SEMA6D: variants seen among roughly 807,000 people sequenced by gnomAD.
The protein encoded by SEMA6D is semaphorin 6D, also known as semaphorin-6D.
A neutral mutation model predicts 106.6 loss-of-function variants in SEMA6D; 35 were observed. The ratio of observed to expected loss-of-function variants is 0.33; its 90% CI spans 0.25 to 0.44. SEMA6D has a LOEUF of 0.44. SEMA6D is among the 20% of genes least tolerant of loss of function. The pLI, the probability that SEMA6D is intolerant of heterozygous loss-of-function variation, is 1.00. For synonymous variants in SEMA6D, 499 were observed against 487.7 expected (o/e 1.02, Z -0.31); for missense variants, 1,185 against 1,345.9 (o/e 0.88, Z 1.87).
intron 3 of SEMA6D, among the ~76,000 whole-genome samples, chr15:47,556,693 C>G (rs757232099): frequency 6.6e-6 from 1 of 152,076 alleles, no homozygotes; most frequent in African/African-American, 2.4e-5. Flanking sequence ...TCCCTTTTCC[C>G]TCACTGCTTT....
chr15:47,529,218 G>A (rs745660422), intron 3 of SEMA6D, among the ~76,000 whole-genome samples: 5 of 152,146 alleles, frequency 3.3e-5, no homozygotes, highest in African/African-American at 7.2e-5. Context: ...CATCTTCCTC[G>A]TCTTCATGTT....
intron 1 of SEMA6D, among the ~76,000 whole-genome samples, chr15:47,339,741 C>A (rs912201300): frequency 1.3e-5 from 2 of 151,986 alleles, no homozygotes; most frequent in Non-Finnish European, 2.9e-5. Flanking sequence ...TGCCTGTAGT[C>A]CCAGCTGCTG....
At chr15:47,647,574 AG>A (rs2077603829) in intron 4 of SEMA6D, among the ~76,000 whole-genome samples, 1 of 152,206 alleles carries the variant, frequency 6.6e-6, no homozygotes. Context: ...TAAAAAGAGG[AG>A]AAAATAGAAA....
intron 1 of SEMA6D, among the ~76,000 whole-genome samples, chr15:47,223,461 A>G (rs1379501047): frequency 1.3e-5 from 2 of 151,494 alleles, no homozygotes; most frequent in Admixed American, 6.6e-5. Context: ...TCTCCCTTTG[A>G]TTTTTATTTT....
At chr15:47,750,455 TCTC>T (rs1220021526) in intron 1 of SEMA6D, among the ~76,000 whole-genome samples, 5 of 152,178 alleles carry the variant, frequency 3.3e-5, no homozygotes, top group African/African-American at 1.2e-4. Flanking sequence ...TGACCCCAGA[TCTC>T]CTGGTTCCTG....
chr15:47,764,825 T>A, intron 12 of SEMA6D, 32 bp downstream of exon 12: 1 of 1,613,520 alleles, frequency 6.2e-7, no homozygotes, highest in Non-Finnish European at 8.5e-7. Flanking sequence ...TCCTTCCTAT[T>A]CAACGTTTTC....
At chr15:47,617,021 C>G (rs1596458016) in intron 4 of SEMA6D, among the ~76,000 whole-genome samples, 1 of 152,194 alleles carries the variant, frequency 6.6e-6, no homozygotes, top group East Asian at 1.9e-4. Flanking sequence ...CTTGCAGCAG[C>G]AAACTTAGCT....
At chr15:47,208,173 C>CA (rs2141179726) in intron 1 of SEMA6D, among the ~76,000 whole-genome samples, 1 of 152,136 alleles carries the variant, frequency 6.6e-6, no homozygotes, top group South Asian at 2.1e-4. Flanking sequence ...TTAGTTTCCA[C>CA]ATTTTTTTTA....
intron 1 of SEMA6D, among the ~76,000 whole-genome samples, chr15:47,307,855 G>T (rs555439700): frequency 1.3e-5 from 2 of 152,058 alleles, no homozygotes. Flanking sequence ...ACTTAAAACC[G>T]TATTCTCAAA....
At chr15:47,604,225 TA>T (rs1240988247) in intron 4 of SEMA6D, 2 of 152,180 alleles carry the variant, frequency 1.3e-5, no homozygotes, top group Non-Finnish European at 2.9e-5. Flanking sequence ...AATTTGACTT[TA>T]AAAAATAAAG....
At chr15:47,589,902 A>C (rs2143012705) in intron 3 of SEMA6D, among the ~76,000 whole-genome samples, 1 of 151,878 alleles carries the variant, frequency 6.6e-6, no homozygotes, top group Non-Finnish European at 1.5e-5. Context: ...GTGGCTTAAA[A>C]CCTCCATTTA....
chr15:47,607,677 C>T (rs1477637815), intron 4 of SEMA6D, among the ~76,000 whole-genome samples: 4 of 152,234 alleles, frequency 2.6e-5, no homozygotes, highest in African/African-American at 7.2e-5. Context: ...ATAAATCTTG[C>T]AAATGCGTAA....
chr15:47,680,707 A>G (rs968457210), intron 4 of SEMA6D, among the ~76,000 whole-genome samples: 3 of 152,246 alleles, frequency 2.0e-5, no homozygotes, highest in African/African-American at 7.2e-5. Context: ...AGGGGTTAGT[A>G]TCCAAAATAT....
chr15:47,370,281 G>A (rs967163480), intron 1 of SEMA6D, among the ~76,000 whole-genome samples: 4 of 152,268 alleles, frequency 2.6e-5, no homozygotes, highest in East Asian at 3.9e-4. Flanking sequence ...TTCAGAGGCC[G>A]AGGTTAGTGG....
chr15:47,317,726 C>T (rs1255787776), intron 1 of SEMA6D, among the ~76,000 whole-genome samples: 1 of 152,084 alleles, frequency 6.6e-6, no homozygotes, highest in African/African-American at 2.4e-5. Context: ...AGATATGATT[C>T]TTATCTTTGT....
intron 1 of SEMA6D, among the ~76,000 whole-genome samples, chr15:47,190,438 G>C (rs897026073): frequency 1.3e-5 from 2 of 152,140 alleles, no homozygotes; most frequent in Admixed American, 6.5e-5. Context: ...GGCAATTGAG[G>C]CTTCTTTTAT....
At chr15:47,595,730 A>T (rs1460208715) in intron 3 of SEMA6D, among the ~76,000 whole-genome samples, 1 of 152,096 alleles carries the variant, frequency 6.6e-6, no homozygotes, top group Non-Finnish European at 1.5e-5. Context: ...AGAAAATTTT[A>T]TTGTTGATTC....
chr15:47,422,047 A>T (rs369281447), intron 2 of SEMA6D, among the ~76,000 whole-genome samples: 18 of 152,146 alleles, frequency 1.2e-4, no homozygotes, highest in African/African-American at 4.3e-4. Flanking sequence ...GACCGAAACT[A>T]TTCAGCAAGA....
chr15:47,419,078 T>C (rs1356451120), intron 2 of SEMA6D, among the ~76,000 whole-genome samples: 1 of 152,126 alleles, frequency 6.6e-6, no homozygotes, highest in Non-Finnish European at 1.5e-5. Flanking sequence ...GAGGATTTCA[T>C]GAGAGAGCTA....
Sources: allele counts gnomAD v4.1 joint callset (sites outside exome capture counted in the v4.1 genomes callset), GRCh38; gene constraint gnomAD v4.1.1; transcripts MANE v1.5; gene names NCBI Gene and HGNC (gene_info 2026-07-23, HGNC 2026-07-21).